The following SUPT3H variants were observed in gnomAD, a reference collection of about 807,000 sequenced individuals.
SUPT3H encodes transcription initiation protein SPT3 homolog.
A neutral mutation model predicts 44.3 loss-of-function variants in SUPT3H; 44 were observed. That is an observed-to-expected ratio of 0.99 (90% CI 0.78 to 1.28). The LOEUF (loss-of-function observed/expected upper bound fraction) is 1.28, where lower values mean the gene tolerates loss of function less well. SUPT3H is among the 50% of genes most tolerant of loss of function. SUPT3H has a pLI of 0.00. For synonymous variants in SUPT3H, 124 were observed against 125.6 expected, an observed-to-expected ratio of 0.99 and a Z score of 0.09; for missense variants, 380 against 387.1, an observed-to-expected ratio of 0.98 and a Z score of 0.15.
intron 1 of SUPT3H, among the ~76,000 whole-genome samples, chr6:45,376,910 TAC>T (rs948343813): frequency 6.6e-6 from 1 of 152,182 alleles, no homozygotes; most frequent in East Asian, 1.9e-4. Flanking sequence ...TACATATATA[TAC>T]ACACACATTT....
intron 10 of SUPT3H, among the ~76,000 whole-genome samples, chr6:44,915,658 CT>C (rs950082608): frequency 1.3e-5 from 2 of 152,168 alleles, no homozygotes; most frequent in African/African-American, 4.8e-5. Flanking sequence ...GAGGCTTCAT[CT>C]GCATGATAAA....
chr6:44,997,914 C>T (rs1365972182), intron 6 of SUPT3H, among the ~76,000 whole-genome samples: 2 of 151,724 alleles, frequency 1.3e-5, no homozygotes, highest in African/African-American at 4.8e-5. Context: ...TCTTATTTGA[C>T]CTAGCTATTT....
intron 10 of SUPT3H, among the ~76,000 whole-genome samples, chr6:44,868,848 C>A (rs557078265): frequency 1.3e-5 from 2 of 152,348 alleles, no homozygotes; most frequent in South Asian, 4.1e-4. Context: ...CAACTGCAGA[C>A]CTCCTGCTGC....
chr6:45,202,608 C>T (rs942518515), intron 2 of SUPT3H, among the ~76,000 whole-genome samples: 1 of 151,984 alleles, frequency 6.6e-6, no homozygotes, highest in Admixed American at 6.6e-5. Flanking sequence ...TAAACTTTTC[C>T]TAGTCATTAG....
At chr6:45,258,781 CTTGAG>C (rs1224556122) in intron 2 of SUPT3H, among the ~76,000 whole-genome samples, 3 of 152,044 alleles carry the variant, frequency 2.0e-5, no homozygotes, top group Admixed American at 1.3e-4. Context: ...TCTTTGAAAA[CTTGAG>C]TTATGTGGAA....
At chr6:45,337,852 G>A (rs1788913800) in intron 2 of SUPT3H, among the ~76,000 whole-genome samples, 1 of 151,844 alleles carries the variant, frequency 6.6e-6, no homozygotes, top group Admixed American at 6.6e-5. Flanking sequence ...TGGTACTACT[G>A]TAAGTAGAAA....
chr6:45,152,781 C>T (rs576920784), intron 2 of SUPT3H, among the ~76,000 whole-genome samples: 2 of 152,130 alleles, frequency 1.3e-5, no homozygotes, highest in Non-Finnish European at 2.9e-5. Flanking sequence ...CATGAGCCAC[C>T]ACACCCAGCT....
In SUPT3H at chr6:45,056,854, A is replaced by T. The variant is rs558656656; in HGVS notation, c.187-36222T>A. Among the ~76,000 whole-genome samples the T allele has an allele frequency of 1.8e-4, 28 of 152,164 alleles. No homozygotes were observed. The East Asian group carries it at 5.0e-3, about 27-fold the overall frequency. Reference sequence around the variant, plus strand: ...AGTTTCCCCCAAACCAATTGAAATTAAAAAAAAGTTCCAGTCTTAAACAAC... The same window carrying T: ...AGTTTCCCCCAAACCAATTGAAATTTAAAAAAAGTTCCAGTCTTAAACAAC... On this transcript the variant is annotated intron_variant, in intron 3 of 10. Coordinates refer to ENST00000371459, the MANE Select transcript of SUPT3H (RefSeq NM_003599.4).
At chr6:45,034,903 C>T (rs780030364) in intron 3 of SUPT3H, among the ~76,000 whole-genome samples, 7 of 152,074 alleles carry the variant, frequency 4.6e-5, no homozygotes, top group Admixed American at 1.3e-4. Flanking sequence ...CTGTCTCCAC[C>T]GTAGTCCACA....
chr6:44,986,179 G>A (rs1779764301), intron 6 of SUPT3H, among the ~76,000 whole-genome samples: 1 of 152,092 alleles, frequency 6.6e-6, no homozygotes, highest in African/African-American at 2.4e-5. Flanking sequence ...GACCAGAATG[G>A]AAGAAATATA....
chr6:45,175,264 GC>G (rs1413350918), intron 2 of SUPT3H, among the ~76,000 whole-genome samples: 1 of 152,030 alleles, frequency 6.6e-6, no homozygotes, highest in Non-Finnish European at 1.5e-5. Flanking sequence ...ACAAAAAACT[GC>G]CCGAGACTGA....
chr6:45,292,388 A>G (rs1258024050), intron 2 of SUPT3H, among the ~76,000 whole-genome samples: 1 of 152,126 alleles, frequency 6.6e-6, no homozygotes, highest in African/African-American at 2.4e-5. Flanking sequence ...ATTTTAAAAA[A>G]CAAAAACAAA....
chr6:45,147,989 C>T (rs1416823314), intron 2 of SUPT3H, among the ~76,000 whole-genome samples: 1 of 152,032 alleles, frequency 6.6e-6, no homozygotes, highest in African/African-American at 2.4e-5. Context: ...TGCTAACTTT[C>T]TATCATGTAT....
intron 2 of SUPT3H, among the ~76,000 whole-genome samples, chr6:45,153,550 C>T (rs376370117): frequency 6.6e-6 from 1 of 152,216 alleles, no homozygotes; most frequent in East Asian, 1.9e-4. Context: ...GAAAAATGTG[C>T]ATATTTGTGT....
intron 2 of SUPT3H, among the ~76,000 whole-genome samples, chr6:45,306,339 G>A (rs1434525226): frequency 6.6e-6 from 1 of 152,176 alleles, no homozygotes; most frequent in African/African-American, 2.4e-5. Flanking sequence ...AACAACCCTT[G>A]CTGCCACCAC....
intron 2 of SUPT3H, among the ~76,000 whole-genome samples, chr6:45,305,152 T>C (rs1584817405): frequency 6.6e-6 from 1 of 152,220 alleles, no homozygotes; most frequent in East Asian, 1.9e-4. Context: ...TCTAAGCCAT[T>C]AGACTCCCTG....
chr6:45,063,825 A>G (rs1290583226), intron 3 of SUPT3H, among the ~76,000 whole-genome samples: 2 of 142,800 alleles, frequency 1.4e-5, no homozygotes, highest in African/African-American at 5.3e-5. Flanking sequence ...GACCAAATCT[A>G]CGTCTGATTG....
chr6:45,248,774 G>A (rs1771836467), intron 2 of SUPT3H, among the ~76,000 whole-genome samples: 1 of 152,044 alleles, frequency 6.6e-6, no homozygotes, highest in African/African-American at 2.4e-5. Context: ...GATTAGCTGG[G>A]CATGGTGGAG....
intron 10 of SUPT3H, among the ~76,000 whole-genome samples, chr6:44,838,142 C>A (rs1770264767): frequency 6.6e-6 from 1 of 152,144 alleles, no homozygotes; most frequent in African/African-American, 2.4e-5. Context: ...TTAATAATAT[C>A]AATTACATTC....
Sources: gnomAD v4.1 joint callset for allele counts (sites outside exome capture counted in the v4.1 genomes callset) on GRCh38, gnomAD v4.1.1 for gene constraint, MANE v1.5 for transcripts, NCBI Gene and HGNC (gene_info 2026-07-23, HGNC 2026-07-21) for gene names.